LDLRAD4: variants seen among roughly 807,000 people sequenced by gnomAD.
The protein encoded by LDLRAD4 is low-density lipoprotein receptor class A domain-containing protein 4.
Under a neutral mutation model 17.0 loss-of-function variants are expected in LDLRAD4, and 5 were observed. The ratio of observed to expected loss-of-function variants is 0.29; its 90% CI spans 0.15 to 0.62. The LOEUF (loss-of-function observed/expected upper bound fraction) is 0.62, where lower values mean the gene tolerates loss of function less well. Among genes scored for constraint, LDLRAD4 ranks in the 20% least tolerant of loss-of-function variants. The pLI is 0.84. For missense variants in LDLRAD4, 340 were observed against 424.7 expected (o/e 0.80, Z 1.75); for synonymous variants, 168 against 171.8 (o/e 0.98, Z 0.17).
chr18:13,224,229 A>G (rs1157888994), intron 1 of LDLRAD4, among the ~76,000 whole-genome samples: 2 of 152,218 alleles, frequency 1.3e-5, no homozygotes, highest in Admixed American at 6.5e-5. Context: ...AGACAAAGCA[A>G]CAGTCAGCAG....
exon 6 of LDLRAD4, chr18:13,648,265 G>A (rs2043091888): frequency 6.6e-6 from 1 of 152,320 alleles, no homozygotes; most frequent in South Asian, 2.1e-4. Flanking sequence ...CAGTATTGGC[G>A]AGATAATTAC....
chr18:13,642,629 T>C, intron 4 of LDLRAD4: 3 of 1,230,874 alleles, frequency 2.4e-6, no homozygotes, highest in Non-Finnish European at 3.0e-6. Context: ...GCGCCTCTGC[T>C]GGAGGCCGGG....
intron 2 of LDLRAD4, among the ~76,000 whole-genome samples, chr18:13,406,238 C>G (rs191276327): frequency 2.0e-5 from 3 of 152,148 alleles, no homozygotes; most frequent in Non-Finnish European, 4.4e-5. Flanking sequence ...ATTGCAGCCC[C>G]CAAGTGACCT....
intron 1 of LDLRAD4, among the ~76,000 whole-genome samples, chr18:13,299,071 T>C (rs1004852099): frequency 1.3e-5 from 2 of 152,230 alleles, no homozygotes; most frequent in African/African-American, 4.8e-5. Flanking sequence ...GGTGTTGATG[T>C]CCTTGGAAAA....
chr18:13,529,680 A>G (rs976835698), intron 3 of LDLRAD4, among the ~76,000 whole-genome samples: 4 of 152,164 alleles, frequency 2.6e-5, no homozygotes, highest in African/African-American at 9.7e-5. Flanking sequence ...CACTGAAAAG[A>G]AAATATAACT....
At chr18:13,619,485 T>C (rs2040389173) in intron 3 of LDLRAD4, among the ~76,000 whole-genome samples, 1 of 30,152 alleles carries the variant, frequency 3.3e-5, no homozygotes, top group African/African-American at 2.1e-4. Context: ...GGGGAGCGTT[T>C]TTGTGTGTGT....
intron 3 of LDLRAD4, among the ~76,000 whole-genome samples, chr18:13,500,272 C>T (rs1265578226): frequency 3.3e-5 from 5 of 152,222 alleles, no homozygotes; most frequent in African/African-American, 7.2e-5. Context: ...TGACTTCCCA[C>T]AGCAGGCACA....
At chr18:13,228,038 T>A (rs532513870) in intron 1 of LDLRAD4, among the ~76,000 whole-genome samples, 3 of 152,182 alleles carry the variant, frequency 2.0e-5, no homozygotes, top group Non-Finnish European at 1.5e-5. Context: ...CTGTGCCCCA[T>A]CTCCCTGGGT....
At chr18:13,564,609 CA>C (rs1293599115) in intron 3 of LDLRAD4, among the ~76,000 whole-genome samples, 1 of 135,868 alleles carries the variant, frequency 7.4e-6, no homozygotes. Context: ...AAAAAAAACT[CA>C]CAAAAAAGCC....
At chr18:13,640,367 A>C (rs923431527) in intron 4 of LDLRAD4, among the ~76,000 whole-genome samples, 2 of 151,706 alleles carry the variant, frequency 1.3e-5, no homozygotes, top group African/African-American at 4.8e-5. Flanking sequence ...CTCCCATTTT[A>C]GATTTTTAAT....
intron 3 of LDLRAD4, among the ~76,000 whole-genome samples, chr18:13,529,318 C>A (rs1276247671): frequency 6.6e-6 from 1 of 152,144 alleles, no homozygotes; most frequent in African/African-American, 2.4e-5. Context: ...CTCCCACATT[C>A]CAAAGGGAAA....
chr18:13,304,315 A>T (rs2046784051), intron 1 of LDLRAD4, among the ~76,000 whole-genome samples: 1 of 152,028 alleles, frequency 6.6e-6, no homozygotes, highest in Non-Finnish European at 1.5e-5. Context: ...GGGGAAGGGG[A>T]GGAGGAGGAG....
At chr18:13,231,845 T>C (rs965790658) in intron 1 of LDLRAD4, among the ~76,000 whole-genome samples, 2 of 152,224 alleles carry the variant, frequency 1.3e-5, no homozygotes, top group African/African-American at 2.4e-5. Context: ...AATGTGGCTA[T>C]TAGCTGAATG....
chr18:13,621,230 C>A lies in LDLRAD4; in HGVS notation c.295C>A (p.Arg99Ser). The change falls in exon 4 of 6, where the codon CGC becomes AGC. Residue 99 changes from arginine (R) to serine (S), a missense_variant. Arg to Ser is a moderately radical substitution (Grantham distance 110). Coordinates refer to ENST00000359446, the Ensembl canonical transcript of LDLRAD4. The surrounding 1 kb of genome is among the most constrained non-coding windows in gnomAD (Gnocchi z 5.5). ...AGTCTCCACGCGGTCCTTCATCAAC[C>A]GCCCGAACCAGAGCCGGAGGCGGGA... is the stretch of plus-strand genomic sequence containing the variant. 6.2e-7 allele frequency: 1 copy of A among 1,613,892 alleles called. No homozygotes were observed. The highest frequency in any genetic ancestry group is 1.6e-4 in the Middle Eastern group (1 of 6,062).
At chr18:13,318,630 G>T (rs2081056635) in intron 1 of LDLRAD4, among the ~76,000 whole-genome samples, 1 of 152,202 alleles carries the variant, frequency 6.6e-6, no homozygotes, top group Admixed American at 6.5e-5. Context: ...AGTTTAAAAT[G>T]GCACTGGATG....
intron 1 of LDLRAD4, among the ~76,000 whole-genome samples, chr18:13,330,231 G>A (rs982614087): frequency 6.6e-5 from 10 of 152,080 alleles, no homozygotes; most frequent in Admixed American, 4.6e-4. Flanking sequence ...AGTGCTGCTG[G>A]GATTACAGGT....
chr18:13,592,230 C>G (rs971420631), intron 3 of LDLRAD4, among the ~76,000 whole-genome samples: 1 of 152,150 alleles, frequency 6.6e-6, no homozygotes, highest in Non-Finnish European at 1.5e-5. Flanking sequence ...CTTTTTAAAC[C>G]CTGACCCACA....
chr18:13,574,208 C>T (rs1394382328), intron 3 of LDLRAD4, among the ~76,000 whole-genome samples: 6 of 152,160 alleles, frequency 3.9e-5, no homozygotes, highest in East Asian at 1.9e-4. Context: ...GATGTTCTGC[C>T]GTCTGCTATT....
At chr18:13,268,560 C>A (rs1465429697) in intron 1 of LDLRAD4, among the ~76,000 whole-genome samples, 1 of 152,244 alleles carries the variant, frequency 6.6e-6, no homozygotes, top group Non-Finnish European at 1.5e-5. Context: ...AGCGTTTCCC[C>A]TCTTGGCGTC....
Sources: allele counts gnomAD v4.1 joint callset (sites outside exome capture counted in the v4.1 genomes callset), GRCh38; gene constraint gnomAD v4.1.1; non-coding constraint Gnocchi (gnomAD v3.1); transcripts MANE v1.5; gene names NCBI Gene and HGNC (gene_info 2026-07-23, HGNC 2026-07-21).